MORC3: variants seen among roughly 807,000 people sequenced by gnomAD.
MORC3 encodes MORC family CW-type zinc finger 3.
MORC3 carries 31 observed loss-of-function variants against 109.1 expected under a neutral mutation model. The observed-to-expected ratio is 0.28, with a 90% CI of 0.21 to 0.38. The LOEUF (loss-of-function observed/expected upper bound fraction) is 0.38, where lower values mean the gene tolerates loss of function less well. Among genes scored for constraint, MORC3 ranks in the 10% least tolerant of loss-of-function variants. MORC3 has a pLI of 1.00. For missense variants in MORC3, 867 were observed against 1,135.8 expected, an observed-to-expected ratio of 0.76 and a Z score of 3.40; for synonymous variants, 395 against 380.7, an observed-to-expected ratio of 1.04 and a Z score of -0.44.
At position 36,369,038 on chromosome 21, in the gene MORC3, G is replaced by A. The variant is rs199855056; in HGVS notation, c.1670G>A (p.Arg557Gln). Residue 557 changes from arginine (R) to glutamine (Q), a missense_variant, in exon 15 of 17, where the codon CGG becomes CAG. Transcript: ENST00000400485. ...TCCTCAATTTTGAATGCAAAGAATC[G>A]GAGATTGAGTAGTCAGTTTGAAAAT... ...TRSSILNAKN[R>Q]RLSSQFENSV... The A allele has an allele frequency of 3.4e-5, 55 of 1,613,294 alleles. No individual in the cohort carries two copies. Among genetic ancestry groups the A allele is most frequent in the Admixed American group, 1.0e-4 (6 of 59,922 alleles).
At chr21:36,365,127 A>G (rs894585142) in intron 14 of MORC3, among the ~76,000 whole-genome samples, 14 of 151,798 alleles carry the variant, frequency 9.2e-5, no homozygotes, top group African/African-American at 2.9e-4. Context: ...TGCAAAGCCT[A>G]TGGCACACTG....
chr21:36,336,964 A>G lies in MORC3; in HGVS notation c.203A>G (p.Asn68Ser), dbSNP rs1439256736. The G allele has an allele frequency of 6.2e-6, 10 of 1,612,552 alleles. No individual in the cohort carries two copies. Among genetic ancestry groups the G allele is most frequent in the Non-Finnish European group, 8.5e-6 (10 of 1,179,230 alleles). Residue 68 changes from asparagine to serine, a missense_variant, in exon 3 of 17, where the codon AAT becomes AGT. Coordinates refer to ENST00000400485, the MANE Select transcript of MORC3 (RefSeq NM_015358.3). ...NDHICLTFTD[N>S]GNGMTSDKLH... is the part of the protein sequence containing the mutation. The stretch of plus-strand genomic sequence containing the variant: ...CATATATGCTTGACATTCACCGACA[A>G]TGGGAATGGTATGACTTCTGATAAA...
chr21:36,359,312 A>G (rs1431653193), intron 10 of MORC3, among the ~76,000 whole-genome samples: 1 of 151,934 alleles, frequency 6.6e-6, no homozygotes, highest in African/African-American at 2.4e-5. Context: ...GTTGTGTTTA[A>G]TTTTTGAGAG....
At chr21:36,324,712 T>C (rs2085230217) in intron 1 of MORC3, among the ~76,000 whole-genome samples, 2 of 151,428 alleles carry the variant, frequency 1.3e-5, no homozygotes, top group African/African-American at 4.8e-5. Flanking sequence ...TCTCATTTTT[T>C]TTTTTTTTTT....
chr21:36,342,677 T>A (rs1023570209), intron 6 of MORC3, among the ~76,000 whole-genome samples: 1 of 152,072 alleles, frequency 6.6e-6, no homozygotes, highest in Non-Finnish European at 1.5e-5. Flanking sequence ...GTGCTGGGAT[T>A]ACAGGTGTGA....
chr21:36,338,687 T>C (rs955063555), intron 4 of MORC3, 87 bp from the exon 5 acceptor site: 7 of 1,268,000 alleles, frequency 5.5e-6, no homozygotes, highest in Non-Finnish European at 7.5e-6. Context: ...TAAATAGTTT[T>C]TCTGTTATTT....
intron 5 of MORC3, among the ~76,000 whole-genome samples, chr21:36,341,022 A>G (rs1223195604): frequency 6.6e-6 from 1 of 152,160 alleles, no homozygotes; most frequent in Admixed American, 6.5e-5. Flanking sequence ...CTAGGTTTGT[A>G]GTTTTGGGAT....
chr21:36,362,242 C>CT lies in MORC3; in HGVS notation c.1452+32dup, dbSNP rs143622574. 73,588 of 1,407,108 alleles carry CT rather than the reference C, an allele frequency of 0.052. 99 individuals are homozygous for CT. Among genetic ancestry groups the CT allele is most frequent in the African/African-American group, 0.086 (5,447 of 63,460 alleles). 87.2% of individuals were successfully genotyped at this position (1,407,108 alleles called of 1,614,324 possible). A position where few individuals can be genotyped will look rare whatever the true frequency, so the allele number is the denominator to read the frequency against. ...ATGATCCCTCGGGTAATTAAGCCTT[C>CT]TTTTTTTTTTTTTTTTTTAAATAGA... On this transcript the variant is annotated intron_variant, in intron 13 of 16. Transcript: ENST00000400485.
At chr21:36,343,722 C>T (rs891254320) in intron 6 of MORC3, among the ~76,000 whole-genome samples, 285 of 152,190 alleles carry the variant, frequency 1.9e-3, no homozygotes, top group African/African-American at 6.2e-3. Context: ...GCTGGGATTA[C>T]AGGAATGAGC....
At chr21:36,364,586 A>T (rs1006844872) in intron 14 of MORC3, among the ~76,000 whole-genome samples, 2 of 151,750 alleles carry the variant, frequency 1.3e-5, no homozygotes, top group Admixed American at 6.6e-5. Context: ...CCAGAGGCGG[A>T]GGCTGAGGCT....
intron 9 of MORC3, among the ~76,000 whole-genome samples, chr21:36,350,393 G>C (rs2085557578): frequency 6.6e-6 from 1 of 151,960 alleles, no homozygotes; most frequent in South Asian, 2.1e-4. Flanking sequence ...AGGAGTTTGA[G>C]ACCAGCCTGG....
chr21:36,364,154 A>G lies in MORC3; in HGVS notation c.1514A>G (p.Lys505Arg). 6.2e-7 allele frequency: 1 copy of G among 1,614,152 alleles called. No homozygotes were observed. The change falls in exon 14 of 17, where the codon AAG becomes AGG. Residue 505 changes from lysine to arginine, a missense_variant. Lys to Arg is a conservative substitution (Grantham distance 26). This residue lies in a region of MORC3 where 486 missense variants were observed against 502.1 expected (regional missense o/e 0.97). Transcript: ENST00000400485. ...ALSTPSFSSP[K>R]ESVPRRHLSE... ...TCAACTCCAAGCTTTTCTTCTCCTAAGGAAAGTGTTCCAAGAAGACATCTT... is the reference window on the plus strand; with the variant it reads ...TCAACTCCAAGCTTTTCTTCTCCTAGGGAAAGTGTTCCAAGAAGACATCTT...
chr21:36,332,502 A>G lies in MORC3; in HGVS notation c.40-1144A>G, dbSNP rs77167002. The stretch of plus-strand genomic sequence containing the variant: ...AAGCACTCTGGCCTGCAACGTGATC[A>G]GGCAATATTTATGGACAAAACAAAA... On this transcript the variant is annotated intron_variant, in intron 1 of 16. Coordinates refer to ENST00000400485, the MANE Select transcript of MORC3 (RefSeq NM_015358.3). Among the ~76,000 whole-genome samples, 395 of 152,298 alleles carry G rather than the reference A, an allele frequency of 2.6e-3. 3 individuals carry two copies. The highest frequency in any genetic ancestry group is 7.3e-3 in the East Asian group (38 of 5,184).
intron 8 of MORC3, among the ~76,000 whole-genome samples, chr21:36,345,460 C>T (rs9636902): frequency 0.56 from 84,730 of 151,078 alleles, 25,002 homozygotes; most frequent in East Asian, 0.99. Flanking sequence ...CTTGCTCTGT[C>T]GCCCAGGCTG....
chr21:36,328,432 A>T (rs1056946033), intron 1 of MORC3, among the ~76,000 whole-genome samples: 1 of 143,862 alleles, frequency 7.0e-6, no homozygotes, highest in Non-Finnish European at 1.5e-5. Context: ...GTCTCCACCT[A>T]CTGGGTTCAA....
rs964947475 is a variant in MORC3 at position 36,360,354 on chromosome 21, C to T, written c.1406+96C>T. 4 of 1,242,050 alleles carry T rather than the reference C, an allele frequency of 3.2e-6. No homozygotes were observed. The Admixed American group carries it at 9.6e-5, about 30-fold the overall frequency. 76.9% of individuals were successfully genotyped at this position (1,242,050 alleles called of 1,614,324 possible). On this transcript the variant is annotated intron_variant, in intron 12 of 16. Transcript: ENST00000400485. ...TTTGATGCTTCTCCAAGGTAAAGCA[C>T]CTGTAACTGAAAAAGTTTATAATGT... is the stretch of plus-strand genomic sequence containing the variant.
At chr21:36,368,850 C>G (rs1601541346) in intron 14 of MORC3, 138 bp from the exon 15 acceptor site, 2 of 778,762 alleles carry the variant, frequency 2.6e-6, no homozygotes, top group Middle Eastern at 3.9e-4. Context: ...GCACTCTAGC[C>G]TGGGCGACAG....
rs2085492378 is a variant in MORC3 at position 36,345,041 on chromosome 21, A to T, written c.1005+10A>T. The T allele has an allele frequency of 1.3e-6, 2 of 1,578,544 alleles. No homozygotes were observed. The highest frequency in any genetic ancestry group is 1.2e-5 in the South Asian group (1 of 84,486). On this transcript the variant is annotated intron_variant, in intron 8 of 16. Coordinates refer to ENST00000400485, the MANE Select transcript of MORC3 (RefSeq NM_015358.3). ...TGGATGTCAGTTAAGGGTAAGCTTT[A>T]TTTTTTATTTGAAAAGAAAATGTCT...
intron 5 of MORC3, among the ~76,000 whole-genome samples, chr21:36,340,616 CTTTTCT>C (rs1232317268): frequency 0.022 from 3,013 of 136,708 alleles, 38 homozygotes; most frequent in Admixed American, 0.039. Context: ...TTTTTTCTTT[CTTTTCT>C]TTTCTTTCTT....
Sources: gnomAD v4.1 joint callset for allele counts (sites outside exome capture counted in the v4.1 genomes callset) on GRCh38, gnomAD v4.1.1 for gene constraint, gnomAD v4.1.1 regional missense constraint, MANE v1.5 for transcripts, NCBI Gene and HGNC (gene_info 2026-07-23, HGNC 2026-07-21) for gene names.